Variants in ZFAND4 observed in about 807,000 individuals in gnomAD.
ZFAND4 encodes zinc finger AN1-type containing 4.
In ZFAND4, 43 loss-of-function variants were observed where a neutral mutation model predicts 64.4. The ratio of observed to expected loss-of-function variants is 0.67; its 90% CI spans 0.52 to 0.86. The LOEUF is 0.86. Among genes scored for constraint, ZFAND4 ranks in the 40% least tolerant of loss-of-function variants. ZFAND4 has a pLI of 0.00. For synonymous variants in ZFAND4, 296 were observed against 305.7 expected, an observed-to-expected ratio of 0.97 and a Z score of 0.33; for missense variants, 929 against 859.8, an observed-to-expected ratio of 1.08 and a Z score of -1.01.
At chr10:45,629,741 T>A (rs763071143) in intron 6 of ZFAND4, among the ~76,000 whole-genome samples, 12 of 152,090 alleles carry the variant, frequency 7.9e-5, no homozygotes, top group Middle Eastern at 3.2e-3. Context: ...CAGGAGCCCG[T>A]AGTCCCAGCT....
intron 7 of ZFAND4, among the ~76,000 whole-genome samples, chr10:45,624,932 G>T (rs1443821260): frequency 6.6e-6 from 1 of 152,060 alleles, no homozygotes; most frequent in Non-Finnish European, 1.5e-5. Context: ...GGGACGTCGT[G>T]GCTGCAGCGA....
intron 6 of ZFAND4, among the ~76,000 whole-genome samples, chr10:45,631,223 G>A (rs1038588597): frequency 2.6e-5 from 4 of 151,228 alleles, no homozygotes; most frequent in Non-Finnish European, 5.9e-5. Flanking sequence ...AGGCAGAGGC[G>A]GGAGAATGGC....
At chr10:45,656,990 G>A (rs1452967586) in intron 2 of ZFAND4, among the ~76,000 whole-genome samples, 2 of 151,620 alleles carry the variant, frequency 1.3e-5, no homozygotes, top group East Asian at 3.9e-4. Flanking sequence ...TCCAATCTAT[G>A]GTATTCTGTG....
At chr10:45,622,236 C>T (rs1000690923) in intron 8 of ZFAND4, among the ~76,000 whole-genome samples, 5 of 152,160 alleles carry the variant, frequency 3.3e-5, no homozygotes, top group Non-Finnish European at 7.3e-5. Context: ...GTGCCAAGAC[C>T]ATTCAATGAG....
At chr10:45,639,336 T>A (rs35599803) in intron 6 of ZFAND4, among the ~76,000 whole-genome samples, 1 of 151,964 alleles carries the variant, frequency 6.6e-6, no homozygotes, top group Non-Finnish European at 1.5e-5. Context: ...AACCACAATG[T>A]GATGCCACCA....
chr10:45,652,798 T>C (rs1316217927), intron 3 of ZFAND4, among the ~76,000 whole-genome samples, 186 bp downstream of exon 3: 1 of 152,100 alleles, frequency 6.6e-6, no homozygotes, highest in East Asian at 1.9e-4. Flanking sequence ...TATCAGAGGA[T>C]AAAGGTTAAA....
intron 5 of ZFAND4, among the ~76,000 whole-genome samples, chr10:45,647,910 T>C (rs181479553): frequency 6.6e-6 from 1 of 152,306 alleles, no homozygotes; most frequent in East Asian, 1.9e-4. Context: ...AATATTACAA[T>C]TTATCTCCCT....
chr10:45,657,528 T>C (rs1466600088), intron 2 of ZFAND4, among the ~76,000 whole-genome samples: 1 of 152,206 alleles, frequency 6.6e-6, no homozygotes, highest in African/African-American at 2.4e-5. Flanking sequence ...GAAAATAATT[T>C]AGCAGTTTTA....
intron 5 of ZFAND4, 35 bp from the exon 6 acceptor site, chr10:45,639,998 T>A: frequency 6.3e-7 from 1 of 1,583,544 alleles, no homozygotes; most frequent in Non-Finnish European, 8.5e-7. Flanking sequence ...GAAATTTTTC[T>A]GATACCTGCT....
chr10:45,643,213 C>G (rs1011875000), intron 5 of ZFAND4, among the ~76,000 whole-genome samples: 3 of 151,482 alleles, frequency 2.0e-5, no homozygotes, highest in Admixed American at 6.6e-5. Context: ...AGCCACCACG[C>G]CCGGCCTCAA....
In ZFAND4 at chr10:45,616,571, T is replaced by A. The variant is rs1301020125; in HGVS notation, c.2049A>T (p.Arg683Ser). 9.3e-6 allele frequency: 15 copies of A among 1,613,652 alleles called. No individual in the cohort carries two copies. Among genetic ancestry groups the A allele is most frequent in the Non-Finnish European group, 1.2e-5 (14 of 1,179,886 alleles). The change falls in exon 10 of 10, where the codon AGA becomes AGT. Residue 683 changes from arginine (R) to serine (S), a missense_variant and splice_region_variant. Coordinates refer to ENST00000344646, the MANE Select transcript of ZFAND4 (RefSeq NM_174890.4). The part of the protein sequence containing the change: ...KTGLASSYEC[R>S]CGNNFCASHR... The stretch of plus-strand genomic sequence containing the variant: ...GAGATGCACAGAAGTTGTTTCCACA[T>A]CTAAAGCACAAAAAAAGTTTACGTG...
rs879195814 is a variant in ZFAND4, at chr10:45,616,172, A to G, written c.*264T>C. 2.4e-6 allele frequency: 1 copy of G among 416,784 alleles called. No individual in the cohort carries two copies. The highest frequency in any genetic ancestry group is 3.0e-5 in the South Asian group (1 of 33,804). 25.8% of individuals were successfully genotyped at this position (416,784 alleles called of 1,614,324 possible). ...TTGCCTAGTAAAACTGCAATATCAT[A>G]TACAAAACACTTAACACAAGACATG... On this transcript the variant is annotated 3_prime_UTR_variant, in exon 10 of 10. Coordinates refer to ENST00000344646, the MANE Select transcript of ZFAND4 (RefSeq NM_174890.4).
At chr10:45,663,518 C>T (rs572263415) in intron 2 of ZFAND4, 24 bp downstream of exon 2, 12 of 1,544,734 alleles carry the variant, frequency 7.8e-6, no homozygotes, top group Non-Finnish European at 1.0e-5. Context: ...TTTTCATATC[C>T]TAAAAACAAA....
chr10:45,643,669 C>CAAAAAAA (rs755281191), intron 5 of ZFAND4, among the ~76,000 whole-genome samples: 1 of 56,064 alleles, frequency 1.8e-5, no homozygotes, highest in African/African-American at 5.8e-5. Flanking sequence ...GACTCCATCT[C>CAAAAAAA]AAAAAAAAAA....
chr10:45,646,466 T>A (rs774460969), intron 5 of ZFAND4, among the ~76,000 whole-genome samples: 4 of 152,082 alleles, frequency 2.6e-5, no homozygotes, highest in Non-Finnish European at 5.9e-5. Context: ...TTATTGTAGA[T>A]GAATACAAAG....
chr10:45,633,448 T>C (rs78865914), intron 6 of ZFAND4, among the ~76,000 whole-genome samples: 3,949 of 152,056 alleles, frequency 0.026, 171 homozygotes, highest in African/African-American at 0.088. Context: ...GCTGCACACA[T>C]AGTCCCAGCT....
intron 5 of ZFAND4, among the ~76,000 whole-genome samples, chr10:45,647,737 A>C (rs2047484009): frequency 1.3e-5 from 2 of 152,200 alleles, no homozygotes; most frequent in South Asian, 2.1e-4. Context: ...GAATGGCCAT[A>C]AAAGTTCAGT....
At chr10:45,635,906 A>T (rs2046565876) in intron 6 of ZFAND4, among the ~76,000 whole-genome samples, 1 of 152,200 alleles carries the variant, frequency 6.6e-6, no homozygotes, top group African/African-American at 2.4e-5. Flanking sequence ...AATAAAATTT[A>T]AAAAATTTTA....
At chr10:45,656,501 CAAAAAAA>C (rs541781976) in intron 2 of ZFAND4, among the ~76,000 whole-genome samples, 50 of 24,698 alleles carry the variant, frequency 2.0e-3, no homozygotes, top group South Asian at 5.2e-3. Flanking sequence ...GAACCTGTCT[CAAAAAAA>C]AAAAAAAAAA....
Sources: gnomAD v4.1 joint callset for allele counts (sites outside exome capture counted in the v4.1 genomes callset) on GRCh38, gnomAD v4.1.1 for gene constraint, MANE v1.5 for transcripts, NCBI Gene and HGNC (gene_info 2026-07-23, HGNC 2026-07-21) for gene names.